PUM2: variants seen among roughly 807,000 people sequenced by gnomAD.
PUM2 encodes pumilio homolog 2.
PUM2 carries 57 observed loss-of-function variants against 124.5 expected under a neutral mutation model. That is an observed-to-expected ratio of 0.46 (90% CI 0.37 to 0.57). The LOEUF (loss-of-function observed/expected upper bound fraction) is 0.57, where lower values mean the gene tolerates loss of function less well. PUM2 is among the 20% of genes least tolerant of loss of function. The pLI is 0.00. For missense variants in PUM2, 1,065 were observed against 1,290.6 expected, an observed-to-expected ratio of 0.83 and a Z score of 2.68; for synonymous variants, 460 against 446.1, an observed-to-expected ratio of 1.03 and a Z score of -0.39.
chr2:20,352,162 T>G (rs531804448), upstream of PUM2: 1 of 152,222 alleles, frequency 6.6e-6, no homozygotes, highest in Admixed American at 6.5e-5. Flanking sequence ...TATAAATAAC[T>G]TACCAAGCCT....
At chr2:20,289,077 G>A (rs1016133047) in intron 10 of PUM2, among the ~76,000 whole-genome samples, 3 of 152,218 alleles carry the variant, frequency 2.0e-5, no homozygotes, top group Admixed American at 2.0e-4. Context: ...TGGATCATGA[G>A]GTCAGGAGTT....
At chr2:20,297,942 T>C (rs1461367838) in intron 7 of PUM2, among the ~76,000 whole-genome samples, 1 of 152,226 alleles carries the variant, frequency 6.6e-6, no homozygotes, top group Non-Finnish European at 1.5e-5. Flanking sequence ...TCTCGAGGTA[T>C]GTTATAGAAA....
chr2:20,344,896 G>T (rs71435559), intron 1 of PUM2, among the ~76,000 whole-genome samples: 23 of 150,734 alleles, frequency 1.5e-4, no homozygotes, highest in Non-Finnish European at 3.1e-4. Context: ...GGCAGGAGAA[G>T]GGCGTGAACC....
intron 2 of PUM2, among the ~76,000 whole-genome samples, chr2:20,323,447 C>CAA (rs1158061957): frequency 3.2e-3 from 267 of 84,642 alleles, no homozygotes; most frequent in Middle Eastern, 7.0e-3. Context: ...GACTCCATCT[C>CAA]AAAAAAAAAA....
intron 2 of PUM2, among the ~76,000 whole-genome samples, chr2:20,323,782 CA>C (rs1345329870): frequency 6.6e-6 from 1 of 151,802 alleles, no homozygotes; most frequent in Non-Finnish European, 1.5e-5. Context: ...GATCTGAACC[CA>C]TATCTACTTA....
intron 1 of PUM2, chr2:20,331,608 C>T (rs1350973672): frequency 7.4e-5 from 8 of 108,610 alleles, no homozygotes; most frequent in African/African-American, 1.4e-4. Flanking sequence ...AAACCAGTAT[C>T]GAAAGCAGAA....
Position 20,255,037 on chromosome 2 carries a change from A to G in PUM2, c.2749-53T>C, listed in dbSNP as rs533898177. ...CCCTAAGTCATTCCTTAAGAATGAT[A>G]TTCTTTAAAGACATGTTAATCATTT... is the stretch of plus-strand genomic sequence containing the variant. On this transcript the variant is annotated intron_variant, in intron 18 of 20. Coordinates refer to ENST00000361078, the MANE Select transcript of PUM2 (RefSeq NM_015317.5). 1.9e-6 allele frequency: 3 copies of G among 1,560,096 alleles called. No individual in the cohort carries two copies. The South Asian group carries it at 3.5e-5, about 18-fold the overall frequency.
intron 16 of PUM2, among the ~76,000 whole-genome samples, chr2:20,256,374 A>G (rs1664759431): frequency 6.6e-6 from 1 of 152,196 alleles, no homozygotes; most frequent in Non-Finnish European, 1.5e-5. Flanking sequence ...TTGTAGTATA[A>G]TTAGCAGAAA....
intron 7 of PUM2, among the ~76,000 whole-genome samples, chr2:20,306,397 T>C (rs952284050): frequency 6.6e-6 from 1 of 151,990 alleles, no homozygotes; most frequent in Admixed American, 6.6e-5. Flanking sequence ...AGAAGAGTAA[T>C]AGATGTATTA....
chr2:20,349,871 G>T (rs548823571), intron 1 of PUM2, among the ~76,000 whole-genome samples: 157 of 152,288 alleles, frequency 1.0e-3, no homozygotes, highest in Non-Finnish European at 1.9e-3. Flanking sequence ...AGAATAAAAA[G>T]CTAAGTTAAG....
chr2:20,257,721 T>C (rs555772618), intron 16 of PUM2, among the ~76,000 whole-genome samples: 32 of 152,326 alleles, frequency 2.1e-4, no homozygotes, highest in Non-Finnish European at 2.5e-4. Context: ...ATTTAGACTT[T>C]CCATCCAATA....
chr2:20,333,352 T>C (rs771467189), intron 1 of PUM2, among the ~76,000 whole-genome samples: 7 of 151,718 alleles, frequency 4.6e-5, no homozygotes, highest in Non-Finnish European at 7.4e-5. Flanking sequence ...CTTGGCAACA[T>C]AGGGAGACCT....
chr2:20,298,546 A>C (rs1244020627), intron 7 of PUM2, among the ~76,000 whole-genome samples: 1 of 152,198 alleles, frequency 6.6e-6, no homozygotes, highest in Non-Finnish European at 1.5e-5. Flanking sequence ...GGAAAAAATT[A>C]CTTCACGAGA....
intron 2 of PUM2, among the ~76,000 whole-genome samples, chr2:20,321,453 T>G (rs1410194560): frequency 6.6e-6 from 1 of 152,094 alleles, no homozygotes; most frequent in Non-Finnish European, 1.5e-5. Context: ...ACAGGAAAAT[T>G]TAATAGTTGA....
At chr2:20,332,361 G>A (rs1685105686) in intron 1 of PUM2, among the ~76,000 whole-genome samples, 1 of 147,746 alleles carries the variant, frequency 6.8e-6, no homozygotes, top group East Asian at 2.0e-4. Context: ...CTAAATGGAG[G>A]TAATTTTATT....
intron 10 of PUM2, among the ~76,000 whole-genome samples, chr2:20,289,844 G>A (rs1673587164): frequency 6.6e-6 from 1 of 152,090 alleles, no homozygotes; most frequent in African/African-American, 2.4e-5. Context: ...ATGATTAAAT[G>A]GAAATTGGAA....
chr2:20,268,641 A>AATAT (rs72044779), intron 13 of PUM2, among the ~76,000 whole-genome samples: 13 of 150,242 alleles, frequency 8.7e-5, no homozygotes, highest in Non-Finnish European at 1.6e-4. Flanking sequence ...AAACAAACAA[A>AATAT]ATATATATAT....
At chr2:20,280,919 T>C (rs1671359763) in intron 12 of PUM2, among the ~76,000 whole-genome samples, 2 of 152,184 alleles carry the variant, frequency 1.3e-5, no homozygotes. Context: ...CTTGGCCAAC[T>C]ATATCATAAA....
chr2:20,279,263 A>G (rs1484916039), intron 12 of PUM2, among the ~76,000 whole-genome samples: 1 of 152,184 alleles, frequency 6.6e-6, no homozygotes, highest in Admixed American at 6.5e-5. Flanking sequence ...AATAATTAGT[A>G]CATTTCCTTC....
Sources: allele counts gnomAD v4.1 joint callset (sites outside exome capture counted in the v4.1 genomes callset), GRCh38; gene constraint gnomAD v4.1.1; transcripts MANE v1.5; gene names NCBI Gene and HGNC (gene_info 2026-07-23, HGNC 2026-07-21).